FAM187B: variants seen among roughly 807,000 people sequenced by gnomAD.
The protein encoded by FAM187B is family with sequence similarity 187 member B, also known as protein FAM187B.
A neutral mutation model predicts 22.6 loss-of-function variants in FAM187B; 22 were observed. The observed-to-expected ratio is 0.97, with a 90% CI of 0.70 to 1.39. The LOEUF (loss-of-function observed/expected upper bound fraction) is 1.39. Among genes scored for constraint, FAM187B ranks in the 40% most tolerant of loss-of-function variants. FAM187B has a pLI of 0.00. For synonymous variants in FAM187B, 192 were observed against 201.8 expected (o/e 0.95, Z 0.41); for missense variants, 433 against 462.1 (o/e 0.94, Z 0.58).
intron 1 of FAM187B, among the ~76,000 whole-genome samples, chr19:35,227,610 T>C (rs1485693192): frequency 6.6e-6 from 1 of 151,794 alleles, no homozygotes; most frequent in Non-Finnish European, 1.5e-5. Context: ...AGAAGATGAG[T>C]GTGAGTTCTG....
In FAM187B at chr19:35,228,174, C is replaced by T; in HGVS notation, c.507G>A (p.Glu169=). The change falls in exon 1 of 2, where the codon GAG becomes GAA. Residue 169 remains glutamate, a synonymous_variant. Transcript: ENST00000324675. The part of the protein sequence containing the change: ...ECKRLGYRYI[E]EPLEEAMPCW... ...AGGGCATGGCTTCCTCCAGAGGCTC[C>T]TCAATGTAGCGGTACCCCAGGCGTT... 6.2e-7 allele frequency: 1 copy of T among 1,614,126 alleles called. No individual in the cohort carries two copies. Among genetic ancestry groups the T allele is most frequent in the Non-Finnish European group, 8.5e-7 (1 of 1,179,940 alleles).
intron 1 of FAM187B, among the ~76,000 whole-genome samples, chr19:35,225,809 C>T (rs2065660068): frequency 6.6e-6 from 1 of 151,132 alleles, no homozygotes; most frequent in Non-Finnish European, 1.5e-5. Context: ...AGACCCTGTC[C>T]CAAAAAAGAA....
At position 35,228,194 on chromosome 19, in the gene FAM187B, G is replaced by C; in HGVS notation, c.487C>G (p.Leu163Val). The change falls in exon 1 of 2, where the codon CTG becomes GTG. Residue 163 changes from leucine to valine, a missense_variant. Transcript: ENST00000324675. ...RCEEPGECKR[L>V]GYRYIEEPLE... ...GGCTCCTCAATGTAGCGGTACCCCA[G>C]GCGTTTACACTCGCCCGGCTCCTCA... is the stretch of plus-strand genomic sequence containing the variant. 6.2e-7 allele frequency: 1 copy of C among 1,614,128 alleles called. No homozygotes were observed. Among genetic ancestry groups the C allele is most frequent in the Non-Finnish European group, 8.5e-7 (1 of 1,179,974 alleles).
intron 1 of FAM187B, among the ~76,000 whole-genome samples, chr19:35,226,789 A>G (rs531922): frequency 0.8 from 121,496 of 152,176 alleles, 49,525 homozygotes; most frequent in Middle Eastern, 0.9. Context: ...CTGTGTGGCC[A>G]GGGGCTGGCA....
At position 35,228,457 on chromosome 19, in the gene FAM187B, A is replaced by C; in HGVS notation, c.224T>G (p.Met75Arg). The change falls in exon 1 of 2, where the codon ATG (methionine) becomes AGG (arginine). Residue 75 changes from methionine to arginine, a missense_variant. By Grantham distance (91) the Met-to-Arg change is moderately conservative. Coordinates refer to ENST00000324675, the MANE Select transcript of FAM187B (RefSeq NM_152481.2). Reference sequence around the variant, plus strand: ...TTTAATGAGAAGGCTGCCCTCGGGCATTATTTCCATATTGGAAATATTGGT... The same window carrying C: ...TTTAATGAGAAGGCTGCCCTCGGGCCTTATTTCCATATTGGAAATATTGGT... ...SLTNISNMEI[M>R]PEGSLLIKDP... The C allele has an allele frequency of 1.9e-6, 3 of 1,614,190 alleles. No individual in the cohort carries two copies. The highest frequency in any genetic ancestry group is 2.5e-6 in the Non-Finnish European group (3 of 1,180,038).
chr19:35,228,131 C>T lies in FAM187B; in HGVS notation c.550G>A (p.Glu184Lys), dbSNP rs1043788981. ...EAMPCWLYLG[E>K]VLVWSSRLRP... ...AAGCGGCTAGACCACACCAGCACCT[C>T]TCCCAGATAGAGCCAGCAGGGCATG... is the stretch of plus-strand genomic sequence containing the variant. Residue 184 changes from glutamate to lysine, a missense_variant, in exon 1 of 2, where the codon GAG becomes AAG. Transcript: ENST00000324675. 18 of 1,614,128 alleles carry T rather than the reference C, an allele frequency of 1.1e-5. No homozygotes were observed. The highest frequency in any genetic ancestry group is 1.3e-5 in the African/African-American group (1 of 74,954).
chr19:35,224,877 C>A lies in FAM187B; in HGVS notation c.1058G>T (p.Cys353Phe), dbSNP rs2065656370. 5.0e-6 allele frequency: 8 copies of A among 1,613,790 alleles called. No individual in the cohort carries two copies. Among genetic ancestry groups the A allele is most frequent in the Non-Finnish European group, 6.8e-6 (8 of 1,179,868 alleles). The change falls in exon 2 of 2, where the codon TGC becomes TTC. Residue 353 changes from cysteine to phenylalanine, a missense_variant. Cys to Phe is a radical substitution (Grantham distance 205). Transcript: ENST00000324675. ...VLALLGALLK[C>F]IHPSPGRRST... ...TCTCCTGCCCGGGGAAGGGTGGATG[C>A]ACTTGAGCAGCGCCCCCAGCAGGGC...
chr19:35,228,266 GT>G lies in FAM187B; in HGVS notation c.414del (p.Lys138AsnfsTer74). ...LQNETLHLGS[K>X]QLIFTWWEPW... ...GGCTCCCACCAGGTAAAAATGAGCT[GT>G]TTGCTGCCCAAATGCAGGGTCTCGT... On this transcript the variant is annotated frameshift_variant, in exon 1 of 2. Coordinates refer to ENST00000324675, the MANE Select transcript of FAM187B (RefSeq NM_152481.2). LOFTEE classifies it high-confidence loss of function. 6.2e-6 allele frequency: 10 copies of G among 1,614,202 alleles called. No individual in the cohort carries two copies. Among genetic ancestry groups the G allele is most frequent in the Non-Finnish European group, 8.5e-6 (10 of 1,180,036 alleles).
Position 35,225,179 on chromosome 19 carries a change from C to A in FAM187B, c.756G>T (p.Leu252=), listed in dbSNP as rs2065657944. The A allele has an allele frequency of 9.8e-6, 15 of 1,524,104 alleles. No individual in the cohort carries two copies. Among genetic ancestry groups the A allele is most frequent in the Non-Finnish European group, 1.3e-5 (15 of 1,134,938 alleles). The allele number at this position is 1,524,104 out of a possible 1,614,324, so 94.4% of individuals were successfully genotyped here. The change falls in exon 2 of 2, where the codon CTG becomes CTT. Residue 252 remains leucine, a synonymous_variant. Transcript: ENST00000324675. Reference sequence around the variant, plus strand: ...GGCCGGAGAGCTGGCTCTCCCACGTCAGGGGGGTGTCGTTGGCACGCCAGT... The same window carrying A: ...GGCCGGAGAGCTGGCTCTCCCACGTAAGGGGGGTGTCGTTGGCACGCCAGT... The part of the protein sequence containing the change: ...PVNWRANDTP[L]TWESQLSGQD...
chr19:35,225,443 T>C (rs550197974), intron 1 of FAM187B, among the ~76,000 whole-genome samples: 100 of 152,120 alleles, frequency 6.6e-4, no homozygotes, highest in Admixed American at 3.3e-4. Context: ...CACCCCTTAC[T>C]GGCCCCACCC....
rs751358448 is a variant in FAM187B at position 35,228,581 on chromosome 19, G to T, written c.100C>A (p.Leu34Ile). ...CPSGKQCQQA[L>I]LSGNDILLYC... is the part of the protein sequence containing the mutation. Reference sequence around the variant, plus strand: ...AGGAGAATATCATTGCCTGAGAGTAGGGCCTGTTGGCACTGCTTACCACTG... The same window carrying T: ...AGGAGAATATCATTGCCTGAGAGTATGGCCTGTTGGCACTGCTTACCACTG... The change falls in exon 1 of 2, where the codon CTA becomes ATA. Residue 34 changes from leucine (L) to isoleucine (I), a missense_variant. By Grantham distance (5) the Leu-to-Ile change is conservative. Coordinates refer to ENST00000324675, the MANE Select transcript of FAM187B (RefSeq NM_152481.2). 7 of 1,614,126 alleles carry T rather than the reference G, an allele frequency of 4.3e-6. No homozygotes were observed. The South Asian group carries it at 7.7e-5, about 18-fold the overall frequency.
chr19:35,225,339 C>G lies in FAM187B; in HGVS notation c.723-127G>C, dbSNP rs891412339. On this transcript the variant is annotated intron_variant, in intron 1 of 1. Coordinates refer to ENST00000324675, the MANE Select transcript of FAM187B (RefSeq NM_152481.2). Reference sequence around the variant, plus strand: ...CACCCCCCACGGAGCACTGTGCAGCCGTCAACAGTGGGGTGGAGGAGGCAC... The same window carrying G: ...CACCCCCCACGGAGCACTGTGCAGCGGTCAACAGTGGGGTGGAGGAGGCAC... The G allele has an allele frequency of 5.0e-6, 6 of 1,201,180 alleles. No homozygotes were observed. In the African/African-American group the frequency reaches 7.7e-5, roughly 16 times the overall value. The allele number at this position is 1,201,180 out of a possible 1,614,324, so 74.4% of individuals were successfully genotyped here. A position where few individuals can be genotyped will look rare whatever the true frequency, so the allele number is the denominator to read the frequency against.
chr19:35,224,917 C>T lies in FAM187B; in HGVS notation c.1018G>A (p.Val340Met), dbSNP rs1404332666. Residue 340 changes from valine to methionine, a missense_variant, in exon 2 of 2, where the codon GTG (valine) becomes ATG (methionine). By Grantham distance (21) the Val-to-Met change is conservative. Transcript: ENST00000324675. Reference sequence around the variant, plus strand: ...CCCAGCAGGGCCAGGACGGTGACCACGAGCAGCACCAGCTTCAGCCCCTTG... The same window carrying T: ...CCCAGCAGGGCCAGGACGGTGACCATGAGCAGCACCAGCTTCAGCCCCTTG... ...VLKGLKLVLL[V>M]VTVLALLGAL... 5.0e-6 allele frequency: 8 copies of T among 1,613,826 alleles called. No individual in the cohort carries two copies. Among genetic ancestry groups the T allele is most frequent in the South Asian group, 3.3e-5 (3 of 91,074 alleles).
chr19:35,224,937 C>A lies in FAM187B; in HGVS notation c.998G>T (p.Gly333Val), dbSNP rs1443648017. 9.9e-6 allele frequency: 16 copies of A among 1,613,846 alleles called. No homozygotes were observed. The highest frequency in any genetic ancestry group is 1.4e-5 in the Non-Finnish European group (16 of 1,179,974). Reference protein sequence around the residue: ...LRGRADSVLKGLKLVLLVVTV... With the variant: ...LRGRADSVLKVLKLVLLVVTV... Reference sequence around the variant, plus strand: ...GACCACGAGCAGCACCAGCTTCAGCCCCTTGAGCACGGAGTCCGCCCTGCC... The same window carrying A: ...GACCACGAGCAGCACCAGCTTCAGCACCTTGAGCACGGAGTCCGCCCTGCC... The change falls in exon 2 of 2, where the codon GGG becomes GTG. Residue 333 changes from glycine to valine, a missense_variant. Coordinates refer to ENST00000324675, the MANE Select transcript of FAM187B (RefSeq NM_152481.2).
intron 1 of FAM187B, among the ~76,000 whole-genome samples, chr19:35,226,000 C>T (rs541605356): frequency 2.6e-5 from 4 of 152,298 alleles, no homozygotes; most frequent in South Asian, 4.1e-4. Context: ...GTTCCTCTGA[C>T]ATGCTGGGTG....
At chr19:35,225,560 C>T (rs2065659507) in intron 1 of FAM187B, among the ~76,000 whole-genome samples, 1 of 152,192 alleles carries the variant, frequency 6.6e-6, no homozygotes, top group Non-Finnish European at 1.5e-5. Context: ...ACCTGTAATC[C>T]CAACACTTTC....
chr19:35,225,979 C>T (rs2065660488), intron 1 of FAM187B, among the ~76,000 whole-genome samples: 1 of 152,166 alleles, frequency 6.6e-6, no homozygotes, highest in Admixed American at 6.5e-5. Flanking sequence ...AGCCACGCTG[C>T]TCTCCTAGAT....
chr19:35,228,528 C>G lies in FAM187B; in HGVS notation c.153G>C (p.Trp51Cys). ...LLYCNSSGAH[W>C]YYLFTQGKKG... is the part of the protein sequence containing the mutation. ...TCTTGCCTTGTGTGAATAAATAGTA[C>G]CAGTGCGCCCCCGAGGAGTTGCAAT... The change falls in exon 1 of 2, where the codon TGG becomes TGC. Residue 51 changes from tryptophan to cysteine, a missense_variant. Trp to Cys is a radical substitution (Grantham distance 215, BLOSUM62 -2). Transcript: ENST00000324675. 1 of 1,614,126 alleles carries G rather than the reference C, an allele frequency of 6.2e-7. No individual in the cohort carries two copies. The highest frequency in any genetic ancestry group is 8.5e-7 in the Non-Finnish European group (1 of 1,180,022).
rs1344163379 is a variant in FAM187B, at chr19:35,225,112, G to T, written c.823C>A (p.Gln275Lys). 1 of 1,606,758 alleles carries T rather than the reference G, an allele frequency of 6.2e-7. No individual in the cohort carries two copies. The highest frequency in any genetic ancestry group is 8.5e-7 in the Non-Finnish European group (1 of 1,176,428). ...TFLDPSTGGR[Q>K]LQVFQPAVYK... ...ACGGCCGGCTGGAAAACCTGCAGCT[G>T]CCTGCCGCCGGTGGAGGGGTCCAGA... The change falls in exon 2 of 2, where the codon CAG becomes AAG. Residue 275 changes from glutamine (Q) to lysine (K), a missense_variant. Transcript: ENST00000324675.
Sources: allele counts gnomAD v4.1 joint callset (sites outside exome capture counted in the v4.1 genomes callset), GRCh38; gene constraint gnomAD v4.1.1; transcripts MANE v1.5; gene names NCBI Gene and HGNC (gene_info 2026-07-23, HGNC 2026-07-21).